NDNF: variants seen among roughly 807,000 people sequenced by gnomAD.
NDNF encodes the protein neuron derived neurotrophic factor.
NDNF carries 16 observed loss-of-function variants against 42.0 expected under a neutral mutation model. That is an observed-to-expected ratio of 0.38 (90% CI 0.26 to 0.58). The LOEUF (loss-of-function observed/expected upper bound fraction) is 0.58, where lower values mean the gene tolerates loss of function less well. Ranked by LOEUF, NDNF falls within the 20% of genes least tolerant of loss-of-function variation. The pLI is 0.67. For synonymous variants in NDNF, 248 were observed against 251.7 expected (o/e 0.99, Z 0.14); for missense variants, 616 against 666.2 (o/e 0.92, Z 0.83).
intron 2 of NDNF, among the ~76,000 whole-genome samples, chr4:121,040,290 A>C (rs1726975766): frequency 6.6e-6 from 1 of 152,182 alleles, no homozygotes; most frequent in Admixed American, 6.5e-5. Flanking sequence ...CTGCAACCAG[A>C]TTTATCATCA....
Position 121,036,172 on chromosome 4 carries a change from C to A in NDNF, c.*92G>T. 9.7e-7 allele frequency: 1 copy of A among 1,028,452 alleles called. No individual in the cohort carries two copies. The highest frequency in any genetic ancestry group is 1.4e-6 in the Non-Finnish European group (1 of 694,566). 63.7% of individuals were successfully genotyped at this position (1,028,452 alleles called of 1,614,324 possible). A position where few individuals can be genotyped will look rare whatever the true frequency, so the allele number is the denominator to read the frequency against. On this transcript the variant is annotated 3_prime_UTR_variant, in exon 4 of 4. Transcript: ENST00000379692. ...TCCATAGTACAAGTACAGGTCACAA[C>A]TTCTCTCAACTGTGGGAGTAGTCAG...
chr4:121,058,449 G>A (rs1229409970), intron 1 of NDNF, among the ~76,000 whole-genome samples: 1 of 152,072 alleles, frequency 6.6e-6, no homozygotes, highest in East Asian at 1.9e-4. Flanking sequence ...TCCTTCCTCT[G>A]CCAGAATGCT....
chr4:121,058,399 A>C (rs1208055093), intron 1 of NDNF, among the ~76,000 whole-genome samples: 1 of 152,154 alleles, frequency 6.6e-6, no homozygotes, highest in Admixed American at 6.5e-5. Context: ...TCTGCAAGCC[A>C]GACTTGAGAG....
At position 121,066,997 on chromosome 4, in the gene NDNF, T is replaced by C. The variant is rs953746696; in HGVS notation, c.-2+4996A>G. 5.9e-5 allele frequency among the ~76,000 whole-genome samples: 9 copies of C among 152,340 alleles called. No homozygotes were observed. In the East Asian group the frequency reaches 1.7e-3, roughly 29 times the overall value. ...CCACTATTTGTGATATTAGCTGAAA[T>C]CATTCCAATTAGAAAGCAAACGTGC... On this transcript the variant is annotated intron_variant, in intron 1 of 3. Transcript: ENST00000379692.
Position 121,039,224 on chromosome 4 carries a change from A to AAAGACTATGTG in NDNF, c.313+705_313+706insCACATAGTCTT, listed in dbSNP as rs1201103488. ...TATATATATATATATATATATATAT[A>AAAGACTATGTG]TATATATATATAAAGACTATGTATA... On this transcript the variant is annotated intron_variant, in intron 3 of 3. Transcript: ENST00000379692. Among the ~76,000 whole-genome samples, 33 of 132,066 alleles carry AAAGACTATGTG rather than the reference A, an allele frequency of 2.5e-4. 3 individuals carry two copies. Among genetic ancestry groups the AAAGACTATGTG allele is most frequent in the East Asian group, 6.6e-4 (3 of 4,528 alleles). 86.6% of individuals were successfully genotyped at this position (132,066 alleles called of 152,430 possible).
chr4:121,052,540 G>C (rs1360155879), intron 1 of NDNF, among the ~76,000 whole-genome samples: 1 of 152,098 alleles, frequency 6.6e-6, no homozygotes, highest in Non-Finnish European at 1.5e-5. Context: ...TCAAACTCAA[G>C]AGCATTTGTT....
Position 121,036,321 on chromosome 4 carries a change from A to C in NDNF, c.1650T>G (p.His550Gln). The change falls in exon 4 of 4, where the codon CAT (histidine) becomes CAG (glutamine). Residue 550 changes from histidine (H) to glutamine (Q), a missense_variant. Transcript: ENST00000379692. ...SYLLDVYVIG[H>Q]GGHSVKYQSK... ...TCTGATACTTTACAGAGTGCCCCCC[A>C]TGTCCTATGACATAAACATCCAGCA... 3 of 1,614,050 alleles carry C rather than the reference A, an allele frequency of 1.9e-6. No individual in the cohort carries two copies. Among genetic ancestry groups the C allele is most frequent in the Non-Finnish European group, 2.5e-6 (3 of 1,179,974 alleles).
intron 2 of NDNF, among the ~76,000 whole-genome samples, chr4:121,042,583 T>A (rs1040348716): frequency 5.9e-5 from 9 of 152,354 alleles, no homozygotes; most frequent in African/African-American, 1.2e-4. Context: ...GAAGGCTTAA[T>A]TTTTAATACA....
chr4:121,058,742 A>G (rs528584369), intron 1 of NDNF, among the ~76,000 whole-genome samples: 7 of 151,990 alleles, frequency 4.6e-5, no homozygotes, highest in Admixed American at 4.6e-4. Flanking sequence ...TTTCTATCCA[A>G]ATTGCCAAAG....
At chr4:121,068,152 ATT>A (rs562194025) in intron 1 of NDNF, among the ~76,000 whole-genome samples, 1 of 152,204 alleles carries the variant, frequency 6.6e-6, no homozygotes. Flanking sequence ...CTACATGATT[ATT>A]TTTTAACAAC....
intron 1 of NDNF, among the ~76,000 whole-genome samples, chr4:121,055,804 CACAT>C (rs1406931524): frequency 3.3e-5 from 5 of 149,664 alleles, no homozygotes; most frequent in African/African-American, 1.0e-4. Flanking sequence ...AATACATACA[CACAT>C]ACACACACAC....
rs747685788 is a variant in NDNF at position 121,036,592 on chromosome 4, C to T, written c.1379G>A (p.Arg460His). 1.5e-5 allele frequency: 25 copies of T among 1,614,096 alleles called. No homozygotes were observed. The highest frequency in any genetic ancestry group is 1.7e-4 in the Middle Eastern group (1 of 6,060). ...AGCCACGGTGGCTGAGGAACAGGTA[C>T]GGAGCTTGTCAAAGGCTTTGATTCT... ...DTRIKAFDKL[R>H]TCSSATVAWL... Residue 460 changes from arginine to histidine, a missense_variant, in exon 4 of 4, where the codon CGT (arginine) becomes CAT (histidine). Physicochemically the swap from Arg to His is conservative, Grantham distance 29. Transcript: ENST00000379692.
intron 1 of NDNF, among the ~76,000 whole-genome samples, chr4:121,055,716 G>C (rs968327619): frequency 6.6e-6 from 1 of 152,110 alleles, no homozygotes; most frequent in Admixed American, 6.5e-5. Context: ...AAAATAAAAA[G>C]ACTGATTTCA....
Position 121,045,755 on chromosome 4 carries a change from TC to T in NDNF, c.82del (p.Glu28AsnfsTer18). On this transcript the variant is annotated frameshift_variant, in exon 2 of 4. Coordinates refer to ENST00000379692, the MANE Select transcript of NDNF (RefSeq NM_024574.4). LOFTEE classifies it high-confidence loss of function. ...GTCCCGGATCTGCATCTGAAAAAGT[TC>T]CTCATCCCGGGTGGGTAACTTCTGG... ...RTQKLPTRDE[E>X]LFQMQIRDKA... The T allele has an allele frequency of 6.2e-7, 1 of 1,614,184 alleles. No homozygotes were observed. The highest frequency in any genetic ancestry group is 8.5e-7 in the Non-Finnish European group (1 of 1,180,040).
chr4:121,061,991 A>G (rs1039624438), intron 1 of NDNF, among the ~76,000 whole-genome samples: 1 of 152,238 alleles, frequency 6.6e-6, no homozygotes, highest in African/African-American at 2.4e-5. Context: ...TTTTAAAATT[A>G]AAAAGGTTCT....
chr4:121,045,860 C>T, intron 1 of NDNF, 22 bp from the exon 2 acceptor site: 1 of 1,605,570 alleles, frequency 6.2e-7, no homozygotes, highest in African/African-American at 1.3e-5. Flanking sequence ...GAAATGACTA[C>T]TTTATTAGTT....
intron 1 of NDNF, among the ~76,000 whole-genome samples, chr4:121,049,441 C>T (rs1049086181): frequency 6.6e-6 from 1 of 152,120 alleles, no homozygotes; most frequent in African/African-American, 2.4e-5. Context: ...TTGCATCATC[C>T]TGTGGGAAGT....
chr4:121,036,236 T>A lies in NDNF; in HGVS notation c.*28A>T. ...TGATTTAATGTCCCTCCTGGAGTTC[T>A]ACATAATATATCTCTATAAGAAGGT... On this transcript the variant is annotated 3_prime_UTR_variant, in exon 4 of 4. Coordinates refer to ENST00000379692, the MANE Select transcript of NDNF (RefSeq NM_024574.4). The A allele has an allele frequency of 6.5e-7, 1 of 1,533,062 alleles. No individual in the cohort carries two copies. Among genetic ancestry groups the A allele is most frequent in the Non-Finnish European group, 8.8e-7 (1 of 1,137,798 alleles). 95.0% of individuals were successfully genotyped at this position (1,533,062 alleles called of 1,614,324 possible).
chr4:121,067,933 A>C (rs1192970174), intron 1 of NDNF, among the ~76,000 whole-genome samples: 1 of 152,210 alleles, frequency 6.6e-6, no homozygotes, highest in Non-Finnish European at 1.5e-5. Context: ...CCAAGGATAC[A>C]CCTGCTTTTG....
Sources: allele counts gnomAD v4.1 joint callset (sites outside exome capture counted in the v4.1 genomes callset), GRCh38; gene constraint gnomAD v4.1.1; transcripts MANE v1.5; gene names NCBI Gene and HGNC (gene_info 2026-07-23, HGNC 2026-07-21).